C11orf52: variants seen among roughly 807,000 people sequenced by gnomAD.
The protein encoded by C11orf52 is uncharacterized protein C11orf52.
C11orf52 carries 9 observed loss-of-function variants against 11.7 expected under a neutral mutation model. The ratio of observed to expected loss-of-function variants is 0.77; its 90% CI spans 0.46 to 1.34. The LOEUF (loss-of-function observed/expected upper bound fraction) is 1.34, where lower values mean the gene tolerates loss of function less well. Ranked by LOEUF, C11orf52 falls within the 40% of genes most tolerant of loss-of-function variation. The pLI is 0.00. For synonymous variants in C11orf52, 49 were observed against 57.4 expected, an observed-to-expected ratio of 0.85 and a Z score of 0.66; for missense variants, 139 against 154.8, an observed-to-expected ratio of 0.90 and a Z score of 0.54.
chr11:111,922,621 G>A (rs1337456645), intron 1 of C11orf52, among the ~76,000 whole-genome samples: 5 of 151,948 alleles, frequency 3.3e-5, no homozygotes, highest in Non-Finnish European at 7.4e-5. Context: ...CATGATGTTC[G>A]GTGTTCTTCC....
chr11:111,919,144 C>A, intron 1 of C11orf52, 140 bp downstream of exon 1: 3 of 943,094 alleles, frequency 3.2e-6, no homozygotes, highest in Non-Finnish European at 4.9e-6. Context: ...CTTGTTCCAA[C>A]ACCAGAGCAG....
chr11:111,925,890 T>G (rs1965794520), intron 3 of C11orf52, 70 bp from the exon 4 acceptor site: 1 of 1,603,916 alleles, frequency 6.2e-7, no homozygotes, highest in South Asian at 1.1e-5. Context: ...TCAGTTGACC[T>G]GCCCCTGCAT....
At chr11:111,919,057 G>A in intron 1 of C11orf52, 53 bp downstream of exon 1, 4 of 1,604,810 alleles carry the variant, frequency 2.5e-6, no homozygotes, top group Non-Finnish European at 3.4e-6. Context: ...GGTGGATGTA[G>A]AGGCCCCGAA....
chr11:111,925,199 GAA>G (rs782115143), intron 2 of C11orf52, among the ~76,000 whole-genome samples: 9 of 139,830 alleles, frequency 6.4e-5, no homozygotes, highest in Non-Finnish European at 7.8e-5. Flanking sequence ...ATCAGCTCAT[GAA>G]AAAAAAAAAA....
chr11:111,921,135 ATTATAT>A lies in C11orf52; in HGVS notation c.32+2135_32+2140del, dbSNP rs1261189124. Among the ~76,000 whole-genome samples, 6 of 152,232 alleles carry A rather than the reference ATTATAT, an allele frequency of 3.9e-5. No homozygotes were observed. The East Asian group carries it at 5.8e-4, about 15-fold the overall frequency. ...GATGTCATGTTATAAATAAAGCATC[ATTATAT>A]TTAGATAGACAAGTGAAGTGCATTG... On this transcript the variant is annotated intron_variant, in intron 1 of 3. Coordinates refer to ENST00000278601, the MANE Select transcript of C11orf52 (RefSeq NM_080659.3).
chr11:111,923,711 G>A (rs1344083473), intron 1 of C11orf52: 2 of 152,224 alleles, frequency 1.3e-5, no homozygotes, highest in Non-Finnish European at 2.9e-5. Flanking sequence ...ACCAAATTCA[G>A]TGCTCCCTGT....
intron 1 of C11orf52, 32 bp downstream of exon 1, chr11:111,919,036 C>CT: frequency 6.2e-7 from 1 of 1,613,728 alleles, no homozygotes; most frequent in Non-Finnish European, 8.5e-7. Flanking sequence ...AGGGGAACAT[C>CT]TATCTCTGTT....
At chr11:111,919,245 C>CCGG in intron 1 of C11orf52, 1 of 529,910 alleles carries the variant, frequency 1.9e-6, no homozygotes, top group Non-Finnish European at 3.4e-6. Context: ...GAGGCCGAGG[C>CCGG]CGGCGGATCA....
chr11:111,921,136 T>C (rs1965691517), intron 1 of C11orf52, among the ~76,000 whole-genome samples: 3 of 152,222 alleles, frequency 2.0e-5, no homozygotes, highest in African/African-American at 7.2e-5. Flanking sequence ...TAAAGCATCA[T>C]TATATTTAGA....
At chr11:111,924,006 T>A (rs961475768) in intron 1 of C11orf52, among the ~76,000 whole-genome samples, 8 of 152,206 alleles carry the variant, frequency 5.3e-5, no homozygotes, top group Non-Finnish European at 7.3e-5. Context: ...CACCCTCTGC[T>A]GGGATTAGCC....
intron 1 of C11orf52, among the ~76,000 whole-genome samples, chr11:111,922,249 C>T (rs375886522): frequency 2.0e-5 from 3 of 152,216 alleles, no homozygotes; most frequent in African/African-American, 4.8e-5. Flanking sequence ...TCTAGAGACA[C>T]TATACCAAAT....
chr11:111,923,839 AG>A (rs1965740325), intron 1 of C11orf52: 1 of 152,200 alleles, frequency 6.6e-6, no homozygotes, highest in Non-Finnish European at 1.5e-5. Context: ...AAGGGCCTTG[AG>A]GGGCTGTAAT....
Position 111,926,290 on chromosome 11 carries a change from T to C in C11orf52, c.*91T>C. On this transcript the variant is annotated 3_prime_UTR_variant, in exon 4 of 4. Transcript: ENST00000278601. ...GGGGAATTGGGTGGCAACCCAGGGA[T>C]GTTGTCCACGTTTTAAGCTTAAAGA... 6.4e-7 allele frequency: 1 copy of C among 1,552,196 alleles called. No individual in the cohort carries two copies. The highest frequency in any genetic ancestry group is 8.7e-7 in the Non-Finnish European group (1 of 1,143,078).
intron 2 of C11orf52, 67 bp downstream of exon 2, chr11:111,924,430 T>C: frequency 7.4e-7 from 1 of 1,347,702 alleles, no homozygotes; most frequent in Non-Finnish European, 1.1e-6. Context: ...AACTCCAATC[T>C]TTGGAAAGGG....
At chr11:111,920,601 A>C (rs1965678793) in intron 1 of C11orf52, among the ~76,000 whole-genome samples, 1 of 151,614 alleles carries the variant, frequency 6.6e-6, no homozygotes, top group Non-Finnish European at 1.5e-5. Context: ...CCATCTCTAC[A>C]AAAAAATTAA....
chr11:111,925,563 C>T, intron 2 of C11orf52, 90 bp from the exon 3 acceptor site: 1 of 1,291,620 alleles, frequency 7.7e-7, no homozygotes, highest in Non-Finnish European at 1.1e-6. Context: ...CAGAAGCCTG[C>T]CGTTAATAGT....
intron 1 of C11orf52, among the ~76,000 whole-genome samples, chr11:111,921,676 T>C (rs1965701676): frequency 6.6e-6 from 1 of 152,228 alleles, no homozygotes; most frequent in African/African-American, 2.4e-5. Flanking sequence ...GTGTTGGTAT[T>C]CTTTTTTCAT....
intron 1 of C11orf52, among the ~76,000 whole-genome samples, chr11:111,922,847 C>G (rs1361715919): frequency 6.6e-6 from 1 of 152,148 alleles, no homozygotes; most frequent in Non-Finnish European, 1.5e-5. Context: ...GATTTTTATA[C>G]TTATTGCCAA....
intron 1 of C11orf52, among the ~76,000 whole-genome samples, chr11:111,923,141 T>G (rs1023072760): frequency 5.9e-5 from 9 of 152,218 alleles, no homozygotes; most frequent in Admixed American, 3.9e-4. Flanking sequence ...GGCAAAGAAT[T>G]AGAAGATTAT....
Sources: gnomAD v4.1 joint callset for allele counts (sites outside exome capture counted in the v4.1 genomes callset) on GRCh38, gnomAD v4.1.1 for gene constraint, MANE v1.5 for transcripts, NCBI Gene and HGNC (gene_info 2026-07-23, HGNC 2026-07-21) for gene names.